CMSS1: variants seen among roughly 807,000 people sequenced by gnomAD.
CMSS1 encodes cms1 ribosomal small subunit homolog.
Under a neutral mutation model 43.5 loss-of-function variants are expected in CMSS1, and 33 were observed. The ratio of observed to expected loss-of-function variants is 0.76; its 90% CI spans 0.57 to 1.01. CMSS1 has a LOEUF of 1.01. Among genes scored for constraint, CMSS1 ranks in the 50% least tolerant of loss-of-function variants. The probability of loss-of-function intolerance (pLI) is 0.00; values close to 1 mark genes in which losing one functional copy is unlikely to be tolerated. For synonymous variants in CMSS1, 115 were observed against 117.2 expected (o/e 0.98, Z 0.12); for missense variants, 313 against 326.4 (o/e 0.96, Z 0.32).
At chr3:99,881,537 C>CT (rs767566245) in intron 1 of CMSS1, among the ~76,000 whole-genome samples, 12,104 of 144,820 alleles carry the variant, frequency 0.084, 530 homozygotes, top group Middle Eastern at 0.11. Flanking sequence ...CTCTCTCTCT[C>CT]TTTTTTTTTT....
intron 1 of CMSS1, among the ~76,000 whole-genome samples, chr3:100,047,169 T>C (rs2065290752): frequency 6.6e-6 from 1 of 152,234 alleles, no homozygotes; most frequent in Admixed American, 6.5e-5. Flanking sequence ...TTTCTAGGGT[T>C]ATTTTCAGGA....
chr3:100,090,239 A>G (rs1034016812), intron 1 of CMSS1, among the ~76,000 whole-genome samples: 6 of 152,124 alleles, frequency 3.9e-5, no homozygotes, highest in South Asian at 2.1e-4. Context: ...GCTGTTTGCT[A>G]TTGTTTTCTT....
At chr3:99,982,086 C>G (rs948526690) in intron 1 of CMSS1, among the ~76,000 whole-genome samples, 1 of 151,768 alleles carries the variant, frequency 6.6e-6, no homozygotes, top group Non-Finnish European at 1.5e-5. Context: ...ACTTTTGTGA[C>G]GGTTGTTAGT....
At chr3:100,030,655 C>T (rs1379525565) in intron 1 of CMSS1, among the ~76,000 whole-genome samples, 1 of 152,282 alleles carries the variant, frequency 6.6e-6, no homozygotes, top group East Asian at 1.9e-4. Flanking sequence ...ATTGTCCCCA[C>T]AACTAATTTA....
chr3:100,147,390 C>G (rs2066862986), intron 2 of CMSS1, among the ~76,000 whole-genome samples: 1 of 151,122 alleles, frequency 6.6e-6, no homozygotes, highest in African/African-American at 2.4e-5. Flanking sequence ...CTTACCTCAG[C>G]CTCCCAAGTA....
At chr3:99,833,106 G>T in intron 1 of CMSS1, 1 of 760,902 alleles carries the variant, frequency 1.3e-6, no homozygotes, top group Non-Finnish European at 2.3e-6. Context: ...AAGAGCAGAT[G>T]TCTTGGAGGA....
chr3:99,898,009 C>A (rs543531580), intron 1 of CMSS1: 66 of 152,238 alleles, frequency 4.3e-4, no homozygotes, highest in African/African-American at 1.5e-3. Flanking sequence ...ACCAATGTTA[C>A]ATTTAATTTT....
chr3:100,028,965 T>C (rs1238911995), intron 1 of CMSS1, among the ~76,000 whole-genome samples: 5 of 152,126 alleles, frequency 3.3e-5, no homozygotes, highest in Non-Finnish European at 7.4e-5. Context: ...TTTTACAAGC[T>C]CGTCAGTCCG....
chr3:99,849,211 A>G lies in CMSS1; in HGVS notation c.64+31168A>G, dbSNP rs753645955. The G allele has an allele frequency of 1.4e-5, 23 of 1,613,972 alleles. No homozygotes were observed. In the South Asian group the frequency reaches 2.5e-4, roughly 18 times the overall value. On this transcript the variant is annotated intron_variant, in intron 1 of 9. Transcript: ENST00000421999. ...CTCCTCATATAACTGACCATTGATG[A>G]CTGCACGTTCCAGAGGAATGAGGCT... is the stretch of plus-strand genomic sequence containing the variant.
chr3:100,131,513 T>C (rs1273403209), intron 1 of CMSS1, among the ~76,000 whole-genome samples: 2 of 152,178 alleles, frequency 1.3e-5, no homozygotes, highest in Admixed American at 6.5e-5. Context: ...ACCAGGGCAT[T>C]GTGGAAGGAC....
At chr3:100,078,902 A>T (rs978306701) in intron 1 of CMSS1, among the ~76,000 whole-genome samples, 1 of 152,072 alleles carries the variant, frequency 6.6e-6, no homozygotes, top group Non-Finnish European at 1.5e-5. Context: ...AAAAAAACGG[A>T]AAAAAAGATT....
At chr3:99,981,273 C>G (rs1709115400) in intron 1 of CMSS1, among the ~76,000 whole-genome samples, 1 of 152,164 alleles carries the variant, frequency 6.6e-6, no homozygotes, top group African/African-American at 2.4e-5. Context: ...GGCCTCCTGG[C>G]AAACTCCTAC....
At position 100,037,734 on chromosome 3, in the gene CMSS1, G is replaced by A. The variant is rs547956260; in HGVS notation, c.65-109239G>A. Among the ~76,000 whole-genome samples, 37 of 152,222 alleles carry A rather than the reference G, an allele frequency of 2.4e-4. No individual in the cohort carries two copies. The South Asian group carries it at 6.8e-3, about 28-fold the overall frequency. On this transcript the variant is annotated intron_variant, in intron 1 of 9. Transcript: ENST00000421999. Reference sequence around the variant, plus strand: ...TCTCTATGCATCTTGCTTGCTTTGGGAAGCTCATTGCATAAAGCTGTGTAT... The same window carrying A: ...TCTCTATGCATCTTGCTTGCTTTGGAAAGCTCATTGCATAAAGCTGTGTAT...
chr3:99,929,882 C>T, intron 1 of CMSS1: 1 of 1,613,258 alleles, frequency 6.2e-7, no homozygotes, highest in Non-Finnish European at 8.5e-7. Flanking sequence ...TCATAGATGT[C>T]CTCCTGCCAA....
intron 1 of CMSS1, among the ~76,000 whole-genome samples, chr3:99,859,248 G>A (rs1576520815): frequency 6.6e-6 from 1 of 152,254 alleles, no homozygotes; most frequent in African/African-American, 2.4e-5. Context: ...CTATGTGCAA[G>A]GCACTGTACT....
At chr3:100,058,769 T>C (rs1324293838) in intron 1 of CMSS1, among the ~76,000 whole-genome samples, 1 of 152,180 alleles carries the variant, frequency 6.6e-6, no homozygotes, top group Non-Finnish European at 1.5e-5. Context: ...CTGTATAACC[T>C]CCTTTGTTAG....
At chr3:99,970,805 C>T (rs1032144122) in intron 1 of CMSS1, among the ~76,000 whole-genome samples, 1 of 152,198 alleles carries the variant, frequency 6.6e-6, no homozygotes, top group Non-Finnish European at 1.5e-5. Context: ...CTATCTGCTA[C>T]AGCCAGCCAC....
chr3:99,910,039 G>A (rs936462522), intron 1 of CMSS1, among the ~76,000 whole-genome samples: 2 of 97,846 alleles, frequency 2.0e-5, no homozygotes, highest in African/African-American at 5.9e-5. Context: ...TAACAGTGAA[G>A]GGCTTCAGTG....
At chr3:99,846,671 C>T (rs1559654002) in intron 1 of CMSS1, among the ~76,000 whole-genome samples, 1 of 152,142 alleles carries the variant, frequency 6.6e-6, no homozygotes, top group Non-Finnish European at 1.5e-5. Context: ...TGTTGCAGTT[C>T]GTCACCATGG....
Sources: gnomAD v4.1 joint callset for allele counts (sites outside exome capture counted in the v4.1 genomes callset) on GRCh38, gnomAD v4.1.1 for gene constraint, MANE v1.5 for transcripts, NCBI Gene and HGNC (gene_info 2026-07-23, HGNC 2026-07-21) for gene names.